Variants in KIRREL3 observed in about 807,000 individuals in gnomAD.
KIRREL3 encodes kirre like nephrin family adhesion molecule 3, also known as kin of IRRE-like protein 3.
A neutral mutation model predicts 89.7 loss-of-function variants in KIRREL3; 36 were observed. The observed-to-expected ratio is 0.40, with a 90% CI of 0.31 to 0.53. The LOEUF is 0.53. Among genes scored for constraint, KIRREL3 ranks in the 20% least tolerant of loss-of-function variants. The pLI, the probability that KIRREL3 is intolerant of heterozygous loss-of-function variation, is 0.49. For missense variants in KIRREL3, 864 were observed against 1,056.6 expected, an observed-to-expected ratio of 0.82 and a Z score of 2.53; for synonymous variants, 445 against 441.4, an observed-to-expected ratio of 1.01 and a Z score of -0.10.
intron 1 of KIRREL3, among the ~76,000 whole-genome samples, chr11:126,815,862 T>A (rs759476070): frequency 6.6e-6 from 1 of 152,170 alleles, no homozygotes; most frequent in Non-Finnish European, 1.5e-5. Context: ...ATGAGGTATA[T>A]TCCTTGTTCT....
intron 2 of KIRREL3, among the ~76,000 whole-genome samples, chr11:126,547,162 C>T (rs527578680): frequency 6.6e-6 from 1 of 152,300 alleles, no homozygotes; most frequent in Non-Finnish European, 1.5e-5. Context: ...CAGTTAGTGG[C>T]AGATCTGGGC....
Position 126,876,696 on chromosome 11 carries a change from C to A in KIRREL3, c.55+123759G>T, listed in dbSNP as rs1338758406. Among the ~76,000 whole-genome samples the A allele has an allele frequency of 6.6e-6, 1 of 152,054 alleles. No individual in the cohort carries two copies. The highest frequency in any genetic ancestry group is 1.5e-5 in the Non-Finnish European group (1 of 68,000). ...GGGATTACAGGCACCTGCCACCATG[C>A]CCAGCTAATTTTTTTGTATTTTTAG... is the stretch of plus-strand genomic sequence containing the variant. On this transcript the variant is annotated intron_variant, in intron 1 of 16. Coordinates refer to ENST00000525144, the MANE Select transcript of KIRREL3 (RefSeq NM_032531.4). The surrounding 1 kb of genome is among the most constrained non-coding windows in gnomAD (Gnocchi z 4.1).
rs904208563 is a variant in KIRREL3 at position 126,837,939 on chromosome 11, A to G, written c.55+162516T>C. Among the ~76,000 whole-genome samples, 1 of 152,234 alleles carries G rather than the reference A, an allele frequency of 6.6e-6. No individual in the cohort carries two copies. Among genetic ancestry groups the G allele is most frequent in the Non-Finnish European group, 1.5e-5 (1 of 68,052 alleles). On this transcript the variant is annotated intron_variant, in intron 1 of 16. Transcript: ENST00000525144. The surrounding 1 kb of genome is among the most constrained non-coding windows in gnomAD (Gnocchi z 4.7). ...TAGGATATAATCTGTAGTTAAATGC[A>G]TAGTTGATTTATCATTATCTTGGGT...
chr11:126,943,247 C>A lies in KIRREL3; in HGVS notation c.55+57208G>T, dbSNP rs2135120487. ...AGCAGCTCCCATGGTAAAACATTCA[C>A]CGTCATTCTTTCTCTCTTCTCACTC... On this transcript the variant is annotated intron_variant, in intron 1 of 16. Coordinates refer to ENST00000525144, the MANE Select transcript of KIRREL3 (RefSeq NM_032531.4). The surrounding 1 kb of genome is among the most constrained non-coding windows in gnomAD (Gnocchi z 4.2). Among the ~76,000 whole-genome samples, 1 of 152,282 alleles carries A rather than the reference C, an allele frequency of 6.6e-6. No homozygotes were observed. Among genetic ancestry groups the A allele is most frequent in the East Asian group, 1.9e-4 (1 of 5,172 alleles).
At position 126,917,919 on chromosome 11, in the gene KIRREL3, T is replaced by C. The variant is rs530686854; in HGVS notation, c.55+82536A>G. On this transcript the variant is annotated intron_variant, in intron 1 of 16. Coordinates refer to ENST00000525144, the MANE Select transcript of KIRREL3 (RefSeq NM_032531.4). This position sits in a 1 kb window ranked among gnomAD's most constrained non-coding sequence, Gnocchi z 5.0. ...TGGTAATTGTTGAACTCGATTTCAC[T>C]TGGTGTGTGATGACACATCTTACAG... Among the ~76,000 whole-genome samples, 8 of 152,346 alleles carry C rather than the reference T, an allele frequency of 5.3e-5. No individual in the cohort carries two copies. Among genetic ancestry groups the C allele is most frequent in the African/African-American group, 1.2e-4 (5 of 41,574 alleles).
intron 1 of KIRREL3, among the ~76,000 whole-genome samples, chr11:126,827,302 C>T (rs577912306): frequency 4.6e-5 from 7 of 152,136 alleles, no homozygotes; most frequent in South Asian, 2.1e-4. Flanking sequence ...TTCAGCCTCC[C>T]GAGTAGCTGG....
chr11:126,648,230 G>A (rs146062605), intron 1 of KIRREL3, among the ~76,000 whole-genome samples: 6 of 152,276 alleles, frequency 3.9e-5, no homozygotes, highest in Non-Finnish European at 7.4e-5. Flanking sequence ...CTACAGAACC[G>A]TGAGTCAATT....
rs1231483747 is a variant in KIRREL3, at chr11:126,442,269, AAAAC to A, written c.1253-1724_1253-1721del. Reference sequence around the variant, plus strand: ...GAGCGAGACTCCAGCTCAAAAAAAAAAAACAAAAAAAAAACAAAAAACCCAACAT... The same window carrying A: ...GAGCGAGACTCCAGCTCAAAAAAAAAAAAAAAAAAACAAAAAACCCAACAT... On this transcript the variant is annotated intron_variant, in intron 10 of 16. Coordinates refer to ENST00000525144, the MANE Select transcript of KIRREL3 (RefSeq NM_032531.4). Among the ~76,000 whole-genome samples, 17 of 101,016 alleles carry A rather than the reference AAAAC, an allele frequency of 1.7e-4. 1 individual carries two copies. The highest frequency in any genetic ancestry group is 3.6e-4 in the Non-Finnish European group (15 of 42,002). 66.3% of individuals were successfully genotyped at this position (101,016 alleles called of 152,430 possible).
At position 126,614,542 on chromosome 11, in the gene KIRREL3, G is replaced by A. The variant is rs1231801520; in HGVS notation, c.56-51630C>T. 6.6e-6 allele frequency among the ~76,000 whole-genome samples: 1 copy of A among 152,196 alleles called. No individual in the cohort carries two copies. The highest frequency in any genetic ancestry group is 2.4e-5 in the African/African-American group (1 of 41,452). On this transcript the variant is annotated intron_variant, in intron 1 of 16. Transcript: ENST00000525144. The surrounding 1 kb of genome is among the most constrained non-coding windows in gnomAD (Gnocchi z 4.6). ...TTCTCATGAGGGTGCATGGACCTGG[G>A]CATTGGTGTCTCTACTAAACACTGC...
At position 126,455,021 on chromosome 11, in the gene KIRREL3, C is replaced by T. The variant is rs987778769; in HGVS notation, c.848+1328G>A. On this transcript the variant is annotated intron_variant, in intron 7 of 16. Transcript: ENST00000525144. This position sits in a 1 kb window ranked among gnomAD's most constrained non-coding sequence, Gnocchi z 6.4. Reference sequence around the variant, plus strand: ...GCTGTCCCTGTGGCCCATTTCCTTCCATTCTGCCCACGGGGGCCACACTGG... The same window carrying T: ...GCTGTCCCTGTGGCCCATTTCCTTCTATTCTGCCCACGGGGGCCACACTGG... Among the ~76,000 whole-genome samples, 1 of 152,224 alleles carries T rather than the reference C, an allele frequency of 6.6e-6. No homozygotes were observed. Among genetic ancestry groups the T allele is most frequent in the African/African-American group, 2.4e-5 (1 of 41,458 alleles).
rs758186365 is a variant in KIRREL3, at chr11:126,645,726, C to T, written c.56-82814G>A. Among the ~76,000 whole-genome samples, 5 of 152,282 alleles carry T rather than the reference C, an allele frequency of 3.3e-5. No individual in the cohort carries two copies. Among genetic ancestry groups the T allele is most frequent in the South Asian group, 2.1e-4 (1 of 4,822 alleles). On this transcript the variant is annotated intron_variant, in intron 1 of 16. Coordinates refer to ENST00000525144, the MANE Select transcript of KIRREL3 (RefSeq NM_032531.4). The surrounding 1 kb of genome is among the most constrained non-coding windows in gnomAD (Gnocchi z 4.9). ...CATTTCCCTGCCTCCCATTCTCCCT[C>T]GTTGTACTGAATGGCAGATAAGGTG... is the stretch of plus-strand genomic sequence containing the variant.
rs2134437229 is a variant in KIRREL3, at chr11:126,523,827, A to G, written c.284-2363T>C. Among the ~76,000 whole-genome samples, 1 of 152,172 alleles carries G rather than the reference A, an allele frequency of 6.6e-6. No individual in the cohort carries two copies. The highest frequency in any genetic ancestry group is 2.1e-4 in the South Asian group (1 of 4,820). ...GGTCTCCTGCAGGCATCTTGGCTGG[A>G]GCTTCTGTTTCTGTTGTCTTGCAAG... On this transcript the variant is annotated intron_variant, in intron 3 of 16. Coordinates refer to ENST00000525144, the MANE Select transcript of KIRREL3 (RefSeq NM_032531.4). This position sits in a 1 kb window ranked among gnomAD's most constrained non-coding sequence, Gnocchi z 4.9.
chr11:126,434,381 C>A (rs958708762), intron 13 of KIRREL3, among the ~76,000 whole-genome samples: 3 of 152,254 alleles, frequency 2.0e-5, no homozygotes, highest in Non-Finnish European at 4.4e-5. Flanking sequence ...GAGAAGGCAG[C>A]GGGAGGCTGG....
intron 1 of KIRREL3, among the ~76,000 whole-genome samples, chr11:126,626,784 G>A (rs2134863587): frequency 6.6e-6 from 1 of 152,316 alleles, no homozygotes; most frequent in Non-Finnish European, 1.5e-5. Context: ...CCTGAGGTCA[G>A]GAATTTGAGA....
Position 126,703,606 on chromosome 11 carries a change from G to A in KIRREL3, c.56-140694C>T, listed in dbSNP as rs1437772319. On this transcript the variant is annotated intron_variant, in intron 1 of 16. Coordinates refer to ENST00000525144, the MANE Select transcript of KIRREL3 (RefSeq NM_032531.4). The surrounding 1 kb of genome is among the most constrained non-coding windows in gnomAD (Gnocchi z 4.6). Reference sequence around the variant, plus strand: ...GATGGGGCTGTAATCCAAATGCTGGGCTGGCTGACTCCTAAGTTCACACTT... The same window carrying A: ...GATGGGGCTGTAATCCAAATGCTGGACTGGCTGACTCCTAAGTTCACACTT... Among the ~76,000 whole-genome samples, 2 of 152,222 alleles carry A rather than the reference G, an allele frequency of 1.3e-5. No homozygotes were observed. Among genetic ancestry groups the A allele is most frequent in the African/African-American group, 4.8e-5 (2 of 41,462 alleles).
In KIRREL3 at chr11:126,640,499, G is replaced by C. The variant is rs547212276; in HGVS notation, c.56-77587C>G. 6.6e-6 allele frequency among the ~76,000 whole-genome samples: 1 copy of C among 152,324 alleles called. No homozygotes were observed. Among genetic ancestry groups the C allele is most frequent in the East Asian group, 1.9e-4 (1 of 5,188 alleles). On this transcript the variant is annotated intron_variant, in intron 1 of 16. Transcript: ENST00000525144. This position sits in a 1 kb window ranked among gnomAD's most constrained non-coding sequence, Gnocchi z 4.9. ...GCATACATTACATGCATAGATCTGA[G>C]AGAAGAATTTGGCCTCTGAATTAAG...
chr11:126,745,870 C>A (rs567277515), intron 1 of KIRREL3, among the ~76,000 whole-genome samples: 4 of 152,174 alleles, frequency 2.6e-5, no homozygotes, highest in African/African-American at 4.8e-5. Flanking sequence ...TGGTGTTGGG[C>A]GTTTATCAAT....
rs1449502676 is a variant in KIRREL3, at chr11:126,983,631, G to A, written c.55+16824C>T. On this transcript the variant is annotated intron_variant, in intron 1 of 16. Transcript: ENST00000525144. This position sits in a 1 kb window ranked among gnomAD's most constrained non-coding sequence, Gnocchi z 4.9. Reference sequence around the variant, plus strand: ...AGGAAGGGGCCACGAGCCAAGGAGTGTAGGCACTCTGCCTCTAGAAGCCAG... The same window carrying A: ...AGGAAGGGGCCACGAGCCAAGGAGTATAGGCACTCTGCCTCTAGAAGCCAG... 6.6e-6 allele frequency among the ~76,000 whole-genome samples: 1 copy of A among 152,162 alleles called. No homozygotes were observed. The highest frequency in any genetic ancestry group is 2.4e-5 in the African/African-American group (1 of 41,426).
rs1379660762 is a variant in KIRREL3 at position 126,682,395 on chromosome 11, G to T, written c.56-119483C>A. On this transcript the variant is annotated intron_variant, in intron 1 of 16. Transcript: ENST00000525144. The surrounding 1 kb of genome is among the most constrained non-coding windows in gnomAD (Gnocchi z 4.8). Reference sequence around the variant, plus strand: ...ATGATAATATCCTCCTCCCAGTGTTGCTGGGAGGATGAAGTGAGATGAATC... The same window carrying T: ...ATGATAATATCCTCCTCCCAGTGTTTCTGGGAGGATGAAGTGAGATGAATC... Among the ~76,000 whole-genome samples, 1 of 152,136 alleles carries T rather than the reference G, an allele frequency of 6.6e-6. No homozygotes were observed. Among genetic ancestry groups the T allele is most frequent in the Non-Finnish European group, 1.5e-5 (1 of 68,016 alleles).
Sources: allele counts gnomAD v4.1 joint callset (sites outside exome capture counted in the v4.1 genomes callset), GRCh38; gene constraint gnomAD v4.1.1; non-coding constraint Gnocchi (gnomAD v3.1); transcripts MANE v1.5; gene names NCBI Gene and HGNC (gene_info 2026-07-23, HGNC 2026-07-21).